Variants in CCDC57 observed in about 807,000 individuals in gnomAD.
CCDC57 encodes the protein coiled-coil domain-containing protein 57.
Under a neutral mutation model 118.9 loss-of-function variants are expected in CCDC57, and 118 were observed. The observed-to-expected ratio is 0.99, with a 90% CI of 0.86 to 1.16. The LOEUF (loss-of-function observed/expected upper bound fraction) is 1.16. CCDC57 is among the 50% of genes most tolerant of loss of function. The pLI, the probability that CCDC57 is intolerant of heterozygous loss-of-function variation, is 0.00. For synonymous variants in CCDC57, 527 were observed against 532.9 expected (o/e 0.99, Z 0.15); for missense variants, 1,300 against 1,320.7 (o/e 0.98, Z 0.24).
intron 16 of CCDC57, among the ~76,000 whole-genome samples, chr17:82,138,876 A>G (rs1598829012): frequency 6.6e-6 from 1 of 152,352 alleles, no homozygotes; most frequent in Non-Finnish European, 1.5e-5. Context: ...GCTAGCAGGC[A>G]TAAACCCCGT....
At chr17:82,183,959 A>G (rs763351662) in intron 8 of CCDC57, 27 bp from the exon 8 acceptor site, 3 of 1,579,502 alleles carry the variant, frequency 1.9e-6, no homozygotes, top group African/African-American at 1.4e-5. Context: ...AACTATGTAG[A>G]TGTGGTTCTC....
At chr17:82,147,429 TAGATAAGTG>T in intron 16 of CCDC57, among the ~76,000 whole-genome samples, 1 of 149,114 alleles carries the variant, frequency 6.7e-6, no homozygotes, top group East Asian at 2.0e-4. Flanking sequence ...AATGGATGGA[TAGATAAGTG>T]GGATAAGTGG....
chr17:82,132,759 C>CTTTTTT lies in CCDC57; in HGVS notation c.2577+1308_2577+1313dup, dbSNP rs71166188. On this transcript the variant is annotated intron_variant, in intron 17 of 19. Coordinates refer to ENST00000665763, the Ensembl canonical transcript of CCDC57. ...TTATCTTTCTGTAGAGACAACCTTG[C>CTTTTTT]TTTTTTTTTTTTTTTTTTGAGACGG... Among the ~76,000 whole-genome samples, 16 of 123,916 alleles carry CTTTTTT rather than the reference C, an allele frequency of 1.3e-4. 4 individuals are homozygous for CTTTTTT. Among genetic ancestry groups the CTTTTTT allele is most frequent in the South Asian group, 2.5e-4 (1 of 4,036 alleles). The allele number at this position is 123,916 out of a possible 152,430, so 81.3% of individuals were successfully genotyped here. A position where few individuals can be genotyped will look rare whatever the true frequency, so the allele number is the denominator to read the frequency against.
chr17:82,189,671 G>A (rs532958330), intron 7 of CCDC57, among the ~76,000 whole-genome samples: 12 of 152,198 alleles, frequency 7.9e-5, no homozygotes, highest in Admixed American at 3.9e-4. Context: ...CCAACATGGC[G>A]AAACCCAGTC....
intron 2 of CCDC57, among the ~76,000 whole-genome samples, chr17:82,203,043 T>C (rs1233857483): frequency 4.6e-5 from 7 of 152,224 alleles, no homozygotes; most frequent in African/African-American, 1.7e-4. Context: ...TGTGGAATTG[T>C]AATCCCCAAC....
At chr17:82,119,813 T>C (rs1448721324) in intron 19 of CCDC57, among the ~76,000 whole-genome samples, 2 of 152,082 alleles carry the variant, frequency 1.3e-5, no homozygotes, top group Non-Finnish European at 2.9e-5. Flanking sequence ...CCTATCTATC[T>C]GAGGCTGTCA....
intron 9 of CCDC57, among the ~76,000 whole-genome samples, chr17:82,182,514 G>A (rs1245304438): frequency 2.0e-5 from 3 of 150,022 alleles, no homozygotes; most frequent in Non-Finnish European, 4.4e-5. Context: ...ACACCACACC[G>A]GGATAATTTT....
chr17:82,151,859 C>T, intron 15 of CCDC57, 86 bp from the exon 15 acceptor site: 1 of 1,178,574 alleles, frequency 8.5e-7, no homozygotes, highest in Non-Finnish European at 1.2e-6. Context: ...AGCCTCTTCA[C>T]CTGCTCTTCC....
chr17:82,168,326 G>A (rs1279060115), intron 13 of CCDC57, among the ~76,000 whole-genome samples: 1 of 152,222 alleles, frequency 6.6e-6, no homozygotes, highest in East Asian at 1.9e-4. Context: ...CGGGCGCAGT[G>A]GCTCACGCCT....
intron 18 of CCDC57, 111 bp from the exon 18 acceptor site, chr17:82,128,019 A>C (rs1049208615): frequency 2.6e-5 from 38 of 1,458,048 alleles, no homozygotes; most frequent in Non-Finnish European, 3.2e-5. Context: ...GGCCTGGCTT[A>C]AAGGCCCAGG....
chr17:82,194,028 T>C (rs751308631), exon 6 of CCDC57: 1 of 1,613,358 alleles, frequency 6.2e-7, no homozygotes, highest in Non-Finnish European at 8.5e-7. Context: ...CCGGCTCGGC[T>C]CTGGAGCTTC....
intron 16 of CCDC57, among the ~76,000 whole-genome samples, chr17:82,149,518 C>A (rs964077898): frequency 6.6e-6 from 1 of 152,122 alleles, no homozygotes; most frequent in Admixed American, 6.5e-5. Context: ...CAGAGCCGCA[C>A]AGAAATGCCG....
In CCDC57 at chr17:82,172,783, G is replaced by T. The variant is rs764010674; in HGVS notation, c.1584C>A (p.Asn528Lys). ...GGGCAATCGCGTTTCGCAAGCTCGT[G>T]TTCTGCTCTCGGAGCCGCTGGATCT... is the stretch of plus-strand genomic sequence containing the variant. Residue 528 changes from asparagine (N) to lysine (K), a missense_variant, in exon 12 of 20, where the codon AAC becomes AAA. Transcript: ENST00000665763. This position sits in a 1 kb window ranked among gnomAD's most constrained non-coding sequence, Gnocchi z 5.2. The T allele has an allele frequency of 2.5e-6, 4 of 1,613,456 alleles. No homozygotes were observed. Among genetic ancestry groups the T allele is most frequent in the East Asian group, 4.5e-5 (2 of 44,882 alleles).
intron 17 of CCDC57, among the ~76,000 whole-genome samples, chr17:82,132,118 C>CAAAAAAAAAAAAAAA (rs58856013): frequency 2.9e-5 from 3 of 101,884 alleles, no homozygotes; most frequent in Non-Finnish European, 6.2e-5. Flanking sequence ...GACTCTGTCT[C>CAAAAAAAAAAAAAAA]AAAAAAAAAA....
In CCDC57 at chr17:82,128,509, G is replaced by A. The variant is rs759777248; in HGVS notation, c.2666C>T (p.Ala889Val). ...CACTCTCACCTTCGGGCCTTGCAGG[G>A]CGTCAAGTCTGCTGCCCACCTGTGC... Residue 889 changes from alanine to valine, a missense_variant, in exon 18 of 20, where the codon GCC (alanine) becomes GTC (valine). Coordinates refer to ENST00000665763, the Ensembl canonical transcript of CCDC57. 1.7e-5 allele frequency: 26 copies of A among 1,562,692 alleles called. No individual in the cohort carries two copies. The South Asian group carries it at 2.8e-4, about 17-fold the overall frequency.
chr17:82,180,569 G>A (rs866439269), intron 9 of CCDC57, among the ~76,000 whole-genome samples: 4 of 152,150 alleles, frequency 2.6e-5, no homozygotes, highest in African/African-American at 4.8e-5. Context: ...TCCACCTCCT[G>A]GGCTCAAGTG....
chr17:82,148,521 G>A (rs1468656295), intron 16 of CCDC57, among the ~76,000 whole-genome samples: 1 of 82,504 alleles, frequency 1.2e-5, no homozygotes, highest in African/African-American at 4.6e-5. Context: ...GGGTGGGTGG[G>A]TGAATGGATG....
chr17:82,210,998 AAAAAAAAAAAAG>A (rs1278332156), intron 1 of CCDC57, among the ~76,000 whole-genome samples: 12 of 83,516 alleles, frequency 1.4e-4, no homozygotes, highest in South Asian at 4.2e-4. Flanking sequence ...CGTCTTAAAA[AAAAAAAAAAAAG>A]AAAAAAAAAA....
chr17:82,188,929 TA>T (rs2047315431), intron 7 of CCDC57, among the ~76,000 whole-genome samples: 1 of 152,202 alleles, frequency 6.6e-6, no homozygotes, highest in South Asian at 2.1e-4. Context: ...ATTGGGCTTA[TA>T]GGCCACACCA....
Sources: allele counts gnomAD v4.1 joint callset (sites outside exome capture counted in the v4.1 genomes callset), GRCh38; gene constraint gnomAD v4.1.1; non-coding constraint Gnocchi (gnomAD v3.1); transcripts MANE v1.5; gene names NCBI Gene and HGNC (gene_info 2026-07-23, HGNC 2026-07-21).